The following PRKG1 variants were observed in gnomAD, a reference collection of about 807,000 sequenced individuals.
The protein encoded by PRKG1 is protein kinase cGMP-dependent 1, also known as cGMP-dependent protein kinase 1.
PRKG1 carries 35 observed loss-of-function variants against 88.1 expected under a neutral mutation model. The observed-to-expected ratio is 0.40, with a 90% CI of 0.30 to 0.53. PRKG1 has a LOEUF of 0.53. PRKG1 is among the 20% of genes least tolerant of loss of function. The pLI is 0.59. For missense variants in PRKG1, 540 were observed against 839.8 expected (o/e 0.64, Z 4.41); for synonymous variants, 303 against 292.5 (o/e 1.04, Z -0.37).
intron 2 of PRKG1, among the ~76,000 whole-genome samples, chr10:51,326,343 G>A (rs2132519139): frequency 6.6e-6 from 1 of 152,284 alleles, no homozygotes; most frequent in Non-Finnish European, 1.5e-5. Context: ...AGATAACGGA[G>A]TTATAGGTTT....
chr10:51,550,015 A>G (rs1837085155), intron 3 of PRKG1, among the ~76,000 whole-genome samples: 1 of 152,130 alleles, frequency 6.6e-6, no homozygotes, highest in African/African-American at 2.4e-5. Flanking sequence ...AAATCAAGAC[A>G]GTGTTTACTG....
intron 1 of PRKG1, among the ~76,000 whole-genome samples, chr10:51,125,469 C>A (rs1456731655): frequency 2.0e-5 from 3 of 150,550 alleles, no homozygotes; most frequent in Admixed American, 6.6e-5. Context: ...GGGCAGATCA[C>A]CTGAGGTTAG....
intron 2 of PRKG1, among the ~76,000 whole-genome samples, chr10:51,371,792 T>G (rs1338707065): frequency 6.6e-6 from 1 of 152,164 alleles, no homozygotes; most frequent in Non-Finnish European, 1.5e-5. Context: ...TCTTTCTTTT[T>G]GCCAAAATGC....
At chr10:51,928,131 G>T (rs930612554) in intron 5 of PRKG1, among the ~76,000 whole-genome samples, 3 of 152,134 alleles carry the variant, frequency 2.0e-5, no homozygotes, top group Admixed American at 1.3e-4. Flanking sequence ...ATTACTTTCA[G>T]TGTCAGCTTC....
intron 2 of PRKG1, among the ~76,000 whole-genome samples, chr10:51,417,828 G>A (rs775336683): frequency 6.6e-6 from 1 of 152,136 alleles, no homozygotes; most frequent in Non-Finnish European, 1.5e-5. Flanking sequence ...ATGCCCCTAA[G>A]TATAATAACT....
At chr10:52,280,294 A>C (rs1230122487) in intron 12 of PRKG1, among the ~76,000 whole-genome samples, 2 of 152,188 alleles carry the variant, frequency 1.3e-5, no homozygotes, top group Non-Finnish European at 2.9e-5. Context: ...CTTTGAAAAC[A>C]GTTGCTTTTA....
chr10:51,024,998 C>A (rs1481567430), intron 1 of PRKG1, among the ~76,000 whole-genome samples: 2 of 152,146 alleles, frequency 1.3e-5, no homozygotes, highest in Non-Finnish European at 2.9e-5. Context: ...CCATGGCTCA[C>A]TTTGGGCACT....
At chr10:51,115,410 CAG>C (rs10599349) in intron 1 of PRKG1, among the ~76,000 whole-genome samples, 81,678 of 108,978 alleles carry the variant, frequency 0.75, 31,289 homozygotes, top group Non-Finnish European at 0.83. Flanking sequence ...GGGGGAGAGA[CAG>C]AGAGAGAGAG....
At chr10:51,732,407 A>G (rs2132473258) in intron 3 of PRKG1, among the ~76,000 whole-genome samples, 1 of 152,334 alleles carries the variant, frequency 6.6e-6, no homozygotes, top group Non-Finnish European at 1.5e-5. Context: ...GATAGTAAAT[A>G]AACATATATT....
chr10:51,225,114 T>C (rs1183667979), intron 2 of PRKG1, among the ~76,000 whole-genome samples: 2 of 152,184 alleles, frequency 1.3e-5, no homozygotes, highest in Non-Finnish European at 2.9e-5. Flanking sequence ...ACAACAGAAA[T>C]TTATTTTTCA....
At chr10:51,102,386 C>G (rs527957087) in intron 1 of PRKG1, among the ~76,000 whole-genome samples, 1 of 151,858 alleles carries the variant, frequency 6.6e-6, no homozygotes, top group African/African-American at 2.4e-5. Context: ...TCCATTCTGG[C>G]AAGACTGGAT....
chr10:51,383,079 T>A (rs1360798402), intron 2 of PRKG1, among the ~76,000 whole-genome samples: 1 of 152,134 alleles, frequency 6.6e-6, no homozygotes, highest in Admixed American at 6.6e-5. Context: ...ACCAATAAGA[T>A]CTACCCCTGG....
At chr10:51,691,723 G>A (rs1262095912) in intron 3 of PRKG1, among the ~76,000 whole-genome samples, 4 of 152,162 alleles carry the variant, frequency 2.6e-5, no homozygotes, top group African/African-American at 4.8e-5. Flanking sequence ...AAGCTCGAAG[G>A]CTAGGAGGAG....
At chr10:51,166,971 T>C (rs1846561099) in intron 2 of PRKG1, among the ~76,000 whole-genome samples, 1 of 152,218 alleles carries the variant, frequency 6.6e-6, no homozygotes, top group African/African-American at 2.4e-5. Context: ...CATTTGATTA[T>C]TTATTAGTTC....
intron 3 of PRKG1, among the ~76,000 whole-genome samples, chr10:51,752,821 A>G (rs1391758467): frequency 6.6e-6 from 1 of 152,184 alleles, no homozygotes; most frequent in Non-Finnish European, 1.5e-5. Flanking sequence ...TCATAGGCAG[A>G]AAACAGTACC....
At chr10:51,304,653 TC>T (rs1157631791) in intron 2 of PRKG1, among the ~76,000 whole-genome samples, 11 of 105,762 alleles carry the variant, frequency 1.0e-4, no homozygotes, top group African/African-American at 3.8e-4. Flanking sequence ...CCCACAACAG[TC>T]CCCAGAGTGT....
At chr10:51,358,485 A>T (rs2132581328) in intron 2 of PRKG1, among the ~76,000 whole-genome samples, 1 of 152,076 alleles carries the variant, frequency 6.6e-6, no homozygotes, top group Non-Finnish European at 1.5e-5. Flanking sequence ...TCTGGAATAT[A>T]TACTGGTGAA....
At chr10:51,764,974 C>G (rs538174627) in intron 3 of PRKG1, among the ~76,000 whole-genome samples, 1 of 152,130 alleles carries the variant, frequency 6.6e-6, no homozygotes, top group Non-Finnish European at 1.5e-5. Flanking sequence ...TTGTCTGGCA[C>G]CTTGATCATG....
chr10:51,211,985 C>G (rs971756055), intron 2 of PRKG1, among the ~76,000 whole-genome samples: 8 of 151,930 alleles, frequency 5.3e-5, no homozygotes, highest in African/African-American at 1.9e-4. Flanking sequence ...CATATGGAAC[C>G]AAAAAAGAGC....
Sources: allele counts gnomAD v4.1 joint callset (sites outside exome capture counted in the v4.1 genomes callset), GRCh38; gene constraint gnomAD v4.1.1; transcripts MANE v1.5; gene names NCBI Gene and HGNC (gene_info 2026-07-23, HGNC 2026-07-21).